Variants in URAD observed in about 807,000 individuals in gnomAD.
The protein encoded by URAD is ureidoimidazoline (2-oxo-4-hydroxy-4-carboxy-5-) decarboxylase, also known as putative 2-oxo-4-hydroxy-4-carboxy-5-ureidoimidazoline decarboxylase.
A neutral mutation model predicts 4.6 loss-of-function variants in URAD; 4 were observed. The ratio of observed to expected loss-of-function variants is 0.87; its 90% CI spans 0.43 to 1.98. URAD has a LOEUF of 1.98. Among genes scored for constraint, URAD ranks in the 30% most tolerant of loss-of-function variants. The probability of loss-of-function intolerance (pLI) is 0.03; values close to 1 mark genes in which losing one functional copy is unlikely to be tolerated. For missense variants in URAD, 300 were observed against 255.3 expected, an observed-to-expected ratio of 1.18 and a Z score of -1.19; for synonymous variants, 144 against 118.2, an observed-to-expected ratio of 1.22 and a Z score of -1.41.
intron 1 of URAD, among the ~76,000 whole-genome samples, chr13:27,983,768 C>T (rs1869940278): frequency 6.6e-6 from 1 of 152,156 alleles, no homozygotes; most frequent in Non-Finnish European, 1.5e-5. Context: ...TTGGTCACTA[C>T]CCCGTTCCCA....
chr13:27,984,634 T>C (rs1869965543), intron 1 of URAD, among the ~76,000 whole-genome samples: 1 of 152,240 alleles, frequency 6.6e-6, no homozygotes. Context: ...AATAATCTAT[T>C]TCACCCAGTT....
At chr13:27,987,531 AAG>A (rs1870063999) in intron 1 of URAD, among the ~76,000 whole-genome samples, 1 of 152,088 alleles carries the variant, frequency 6.6e-6, no homozygotes, top group Admixed American at 6.5e-5. Context: ...TGTGGTACAA[AAG>A]TCAGCCGATT....
chr13:27,981,026 CT>C (rs1303030383), intron 1 of URAD, among the ~76,000 whole-genome samples: 1 of 68,052 alleles, frequency 1.5e-5, no homozygotes, highest in African/African-American at 3.8e-5. Context: ...CTCTCTCTCT[CT>C]CCTCTCTCTC....
intron 1 of URAD, among the ~76,000 whole-genome samples, chr13:27,981,963 C>T (rs953734215): frequency 3.3e-5 from 5 of 152,148 alleles, no homozygotes; most frequent in Admixed American, 2.0e-4. Context: ...GTCTCCTGGC[C>T]TCTCCACTTC....
chr13:27,978,011 A>T lies in URAD; in HGVS notation c.*95T>A. The stretch of plus-strand genomic sequence containing the variant: ...TGTGCACGTGTGTGGACGCTGTTCC[A>T]GGCCCGAGTCCGCCTCCCGCCCAGG... On this transcript the variant is annotated 3_prime_UTR_variant, in exon 2 of 2. Transcript: ENST00000332715. 9.4e-7 allele frequency: 1 copy of T among 1,068,000 alleles called. No homozygotes were observed. Among genetic ancestry groups the T allele is most frequent in the Non-Finnish European group, 1.3e-6 (1 of 799,130 alleles). The allele number at this position is 1,068,000 out of a possible 1,614,324, so 66.2% of individuals were successfully genotyped here.
chr13:27,988,639 C>T lies in URAD; in HGVS notation c.-2G>A, dbSNP rs997775772. ...GGAGTTGACCTTCTCAATGTCCATT[C>T]CTTGTATTCCACTGGAGACAGCGGG... On this transcript the variant is annotated 5_prime_UTR_variant, in exon 1 of 2. Coordinates refer to ENST00000332715, the MANE Select transcript of URAD (RefSeq NM_001105577.2). The T allele has an allele frequency of 6.3e-6, 10 of 1,598,132 alleles. No individual in the cohort carries two copies. The highest frequency in any genetic ancestry group is 8.5e-6 in the Non-Finnish European group (10 of 1,171,640).
At chr13:27,987,283 C>T (rs1870057839) in intron 1 of URAD, among the ~76,000 whole-genome samples, 1 of 152,158 alleles carries the variant, frequency 6.6e-6, no homozygotes. Context: ...CAGGACAGCC[C>T]CTGAGGCAGC....
intron 1 of URAD, among the ~76,000 whole-genome samples, chr13:27,978,680 C>T (rs1033735086): frequency 9.2e-5 from 14 of 152,276 alleles, no homozygotes; most frequent in Admixed American, 8.5e-4. Flanking sequence ...TTGCGCTTCT[C>T]GGTCCCCACT....
chr13:27,982,736 T>C (rs1355571426), intron 1 of URAD, among the ~76,000 whole-genome samples: 1 of 152,136 alleles, frequency 6.6e-6, no homozygotes, highest in Non-Finnish European at 1.5e-5. Context: ...CCTTCCTCCA[T>C]CCTGTCTTCT....
chr13:27,987,916 A>AGAT (rs2137562234), intron 1 of URAD, among the ~76,000 whole-genome samples: 1 of 131,176 alleles, frequency 7.6e-6, no homozygotes, highest in African/African-American at 2.8e-5. Context: ...ATAGATAGAT[A>AGAT]GATAGATAGA....
chr13:27,980,214 C>A (rs1351013254), intron 1 of URAD, among the ~76,000 whole-genome samples: 1 of 152,220 alleles, frequency 6.6e-6, no homozygotes, highest in East Asian at 1.9e-4. Context: ...CAGGTGTGAG[C>A]CACCGAGCCG....
Position 27,978,275 on chromosome 13 carries a change from G to T in URAD, c.353C>A (p.Pro118His), listed in dbSNP as rs1287326975. 3.5e-6 allele frequency: 5 copies of T among 1,427,108 alleles called. No homozygotes were observed. The highest frequency in any genetic ancestry group is 4.5e-6 in the Non-Finnish European group (5 of 1,099,978). The allele number at this position is 1,427,108 out of a possible 1,614,324, so 88.4% of individuals were successfully genotyped here. The change falls in exon 2 of 2, where the codon CCC becomes CAC. Residue 118 changes from proline to histidine, a missense_variant. By Grantham distance (77) the Pro-to-His change is moderately conservative. Transcript: ENST00000332715. ...GCTGAAGCGCGCGGCGAGCACGAAGGGGAAACCGAAGCGCGCGCGGTACTG... is the reference window on the plus strand; with the variant it reads ...GCTGAAGCGCGCGGCGAGCACGAAGTGGAAACCGAAGCGCGCGCGGTACTG... Reference protein sequence around the residue: ...NAQYRARFGFPFVLAARFSDR... With the variant: ...NAQYRARFGFHFVLAARFSDR...
At chr13:27,986,977 A>G (rs1593193037) in intron 1 of URAD, among the ~76,000 whole-genome samples, 1 of 152,328 alleles carries the variant, frequency 6.6e-6, no homozygotes, top group Middle Eastern at 3.4e-3. Flanking sequence ...AGAGGCCCCC[A>G]GAAGTGGGTG....
intron 1 of URAD, among the ~76,000 whole-genome samples, chr13:27,987,899 TA>T (rs1306844347): frequency 4.4e-5 from 2 of 45,442 alleles, no homozygotes; most frequent in African/African-American, 1.2e-4. Flanking sequence ...AGATGATAGA[TA>T]GATAGATAGA....
intron 1 of URAD, among the ~76,000 whole-genome samples, chr13:27,978,761 A>T (rs1293546517): frequency 2.0e-5 from 3 of 151,942 alleles, no homozygotes; most frequent in Admixed American, 6.6e-5. Context: ...ACCTTGGGTC[A>T]AGAAGAGCGG....
chr13:27,978,833 C>A (rs529454962), intron 1 of URAD, among the ~76,000 whole-genome samples: 4 of 152,238 alleles, frequency 2.6e-5, no homozygotes, highest in Admixed American at 2.0e-4. Flanking sequence ...GGAGCAGAGA[C>A]GCGATAAGGA....
In URAD at chr13:27,978,172, G is replaced by T; in HGVS notation, c.456C>A (p.Gly152=). ...PSAQELRTAL[G]EVKKIGSLRL... The stretch of plus-strand genomic sequence containing the variant: ...GCAGGCTGCCGATCTTCTTCACCTC[G>T]CCCAGAGCAGTGCGCAGCTCCTGCG... The change falls in exon 2 of 2, where the codon GGC becomes GGA. Residue 152 remains glycine, a synonymous_variant. Coordinates refer to ENST00000332715, the MANE Select transcript of URAD (RefSeq NM_001105577.2). 1 of 1,530,198 alleles carries T rather than the reference G, an allele frequency of 6.5e-7. No homozygotes were observed. Among genetic ancestry groups the T allele is most frequent in the South Asian group, 1.2e-5 (1 of 82,810 alleles). 94.8% of individuals were successfully genotyped at this position (1,530,198 alleles called of 1,614,324 possible).
At chr13:27,987,410 C>T (rs1870060674) in intron 1 of URAD, among the ~76,000 whole-genome samples, 1 of 152,186 alleles carries the variant, frequency 6.6e-6, no homozygotes, top group Admixed American at 6.5e-5. Context: ...AACTTCTTTC[C>T]CTTCCTCCAG....
chr13:27,983,862 A>ATTTTG lies in URAD; in HGVS notation c.175+4596_175+4600dup, dbSNP rs1171847593. Among the ~76,000 whole-genome samples, 18 of 152,216 alleles carry ATTTTG rather than the reference A, an allele frequency of 1.2e-4. No homozygotes were observed. The South Asian group carries it at 2.5e-3, about 21-fold the overall frequency. The stretch of plus-strand genomic sequence containing the variant: ...CAGCACTTTTGGTAAGGAGTGTTTC[A>ATTTTG]TTTTGTTTTGTTTTGTTTTGTTTTC... On this transcript the variant is annotated intron_variant, in intron 1 of 1. Transcript: ENST00000332715.
Sources: gnomAD v4.1 joint callset for allele counts (sites outside exome capture counted in the v4.1 genomes callset) on GRCh38, gnomAD v4.1.1 for gene constraint, MANE v1.5 for transcripts, NCBI Gene and HGNC (gene_info 2026-07-23, HGNC 2026-07-21) for gene names.